Variants in STAG1 observed in about 807,000 individuals in gnomAD.
STAG1 encodes STAG1 cohesin complex component, also known as cohesin subunit SA-1.
In STAG1, 26 loss-of-function variants were observed where a neutral mutation model predicts 170.9. The observed-to-expected ratio is 0.15, with a 90% CI of 0.11 to 0.21. STAG1 has a LOEUF of 0.21. Ranked by LOEUF, STAG1 falls within the 10% of genes least tolerant of loss-of-function variation. The pLI, the probability that STAG1 is intolerant of heterozygous loss-of-function variation, is 1.00. For missense variants in STAG1, 964 were observed against 1,509.5 expected (o/e 0.64, Z 5.99); for synonymous variants, 514 against 497.7 (o/e 1.03, Z -0.44).
rs774690915 is a variant in STAG1, at chr3:136,368,887, G to A, written c.2545+221C>T. On this transcript the variant is annotated intron_variant, in intron 24 of 33. Transcript: ENST00000383202. ...TTCTGTTTTGTAGAGACAAGGTCTC[G>A]CCATATTGCCTAGGCTGCTCTCGAA... Among the ~76,000 whole-genome samples, 8 of 151,872 alleles carry A rather than the reference G, an allele frequency of 5.3e-5. No homozygotes were observed. Among genetic ancestry groups the A allele is most frequent in the Middle Eastern group, 3.2e-3 (1 of 316 alleles).
At position 136,456,746 on chromosome 3, in the gene STAG1, A is replaced by C. The variant is rs181477544; in HGVS notation, c.1314-4599T>G. On this transcript the variant is annotated intron_variant, in intron 13 of 33. Transcript: ENST00000383202. Reference sequence around the variant, plus strand: ...CAAAAATCAAGGACAAAGAAGAAATATTCAAAGCATCAAAAGAAAAGAATC... The same window carrying C: ...CAAAAATCAAGGACAAAGAAGAAATCTTCAAAGCATCAAAAGAAAAGAATC... 7.3e-4 allele frequency among the ~76,000 whole-genome samples: 111 copies of C among 152,334 alleles called. No homozygotes were observed. The Middle Eastern group carries it at 0.01, about 14-fold the overall frequency.
intron 1 of STAG1, among the ~76,000 whole-genome samples, chr3:136,659,079 C>T (rs905038513): frequency 6.6e-6 from 1 of 152,180 alleles, no homozygotes; most frequent in Non-Finnish European, 1.5e-5. Flanking sequence ...CAATTAACAA[C>T]CTTCTCACGC....
intron 1 of STAG1, among the ~76,000 whole-genome samples, chr3:136,726,579 T>C (rs1933700778): frequency 6.6e-6 from 1 of 152,100 alleles, no homozygotes; most frequent in Non-Finnish European, 1.5e-5. Context: ...GTGCGCCACC[T>C]TGCCTAGCTA....
chr3:136,663,403 T>C (rs527558486), intron 1 of STAG1, among the ~76,000 whole-genome samples: 3 of 152,234 alleles, frequency 2.0e-5, no homozygotes, highest in African/African-American at 7.2e-5. Context: ...CAAGAGCACA[T>C]AGATTATAAG....
At chr3:136,492,298 T>C (rs190684777) in intron 9 of STAG1, among the ~76,000 whole-genome samples, 1 of 152,360 alleles carries the variant, frequency 6.6e-6, no homozygotes, top group Non-Finnish European at 1.5e-5. Context: ...ATGCAAGGTC[T>C]GATTAAATAA....
intron 28 of STAG1, among the ~76,000 whole-genome samples, chr3:136,355,391 T>C (rs1443349511): frequency 8.9e-6 from 1 of 112,190 alleles, no homozygotes; most frequent in Non-Finnish European, 1.8e-5. Context: ...TATATACACC[T>C]AACAAGAGAG....
intron 5 of STAG1, among the ~76,000 whole-genome samples, chr3:136,556,321 A>T (rs1222161393): frequency 5.9e-5 from 9 of 152,190 alleles, no homozygotes; most frequent in African/African-American, 2.2e-4. Flanking sequence ...CTATTTTATC[A>T]AAATGTAAAT....
Position 136,638,866 on chromosome 3 carries a change from A to T in STAG1, c.-83-7885T>A, listed in dbSNP as rs1347937227. On this transcript the variant is annotated intron_variant, in intron 1 of 33. Transcript: ENST00000383202. ...GCAGTGAGCCAGGATCACGCCATTG[A>T]ACTCCAGCCTGGGCAACAGAGGGAG... 2.0e-5 allele frequency among the ~76,000 whole-genome samples: 3 copies of T among 152,020 alleles called. 1 individual carries two copies. The highest frequency in any genetic ancestry group is 4.8e-5 in the African/African-American group (2 of 41,386).
intron 1 of STAG1, among the ~76,000 whole-genome samples, chr3:136,640,155 G>A (rs1190352016): frequency 1.3e-5 from 2 of 152,208 alleles, no homozygotes; most frequent in East Asian, 1.9e-4. Flanking sequence ...CTAAATGAAC[G>A]TTTTAAAATA....
intron 9 of STAG1, among the ~76,000 whole-genome samples, chr3:136,486,926 C>T (rs2090024568): frequency 7.2e-6 from 1 of 139,556 alleles, no homozygotes; most frequent in African/African-American, 2.7e-5. Flanking sequence ...GTTTCACCAA[C>T]TAGACTACTG....
intron 1 of STAG1, among the ~76,000 whole-genome samples, chr3:136,694,310 G>A (rs530088097): frequency 6.6e-6 from 1 of 152,196 alleles, no homozygotes; most frequent in African/African-American, 2.4e-5. Context: ...AGGCACATGA[G>A]TACACTGATA....
chr3:136,678,064 A>C (rs1430052151), intron 1 of STAG1, among the ~76,000 whole-genome samples: 1 of 150,256 alleles, frequency 6.7e-6, no homozygotes, highest in Non-Finnish European at 1.5e-5. Context: ...TTCTTAGTGA[A>C]GGGCATAAAC....
chr3:136,464,432 A>G (rs150677369), intron 13 of STAG1, among the ~76,000 whole-genome samples: 2 of 143,614 alleles, frequency 1.4e-5, no homozygotes, highest in Non-Finnish European at 3.2e-5. Context: ...TCAAAAAAAA[A>G]CAAAAAAACA....
chr3:136,523,974 G>C (rs141865805), intron 6 of STAG1, among the ~76,000 whole-genome samples: 2 of 146,528 alleles, frequency 1.4e-5, no homozygotes, highest in African/African-American at 4.9e-5. Flanking sequence ...TGGTACCAGT[G>C]CCATGCTGTT....
chr3:136,572,287 T>C (rs1937288661), intron 4 of STAG1, among the ~76,000 whole-genome samples: 1 of 151,090 alleles, frequency 6.6e-6, no homozygotes, highest in South Asian at 2.1e-4. Flanking sequence ...TGAAAAACAA[T>C]CAGAAATAGT....
intron 3 of STAG1, among the ~76,000 whole-genome samples, chr3:136,613,290 G>A (rs182785254): frequency 0.011 from 1,198 of 105,302 alleles, 5 homozygotes; most frequent in Non-Finnish European, 0.016. Flanking sequence ...GGGCAACAAA[G>A]TGAACAGAGT....
chr3:136,658,015 C>A (rs1295514556), intron 1 of STAG1, among the ~76,000 whole-genome samples: 3 of 152,068 alleles, frequency 2.0e-5, no homozygotes, highest in Non-Finnish European at 2.9e-5. Flanking sequence ...TGGTCACCTG[C>A]ACACTATCAT....
chr3:136,523,812 T>A (rs1934829687), intron 6 of STAG1, among the ~76,000 whole-genome samples: 1 of 152,232 alleles, frequency 6.6e-6, no homozygotes, highest in Admixed American at 6.5e-5. Flanking sequence ...TTTCTACATG[T>A]GGCTAGCCAG....
chr3:136,591,266 G>A (rs1014912487), intron 4 of STAG1, among the ~76,000 whole-genome samples: 2 of 147,190 alleles, frequency 1.4e-5, no homozygotes, highest in Non-Finnish European at 3.0e-5. Context: ...GGAGGAGGGA[G>A]GAGGGGAGGA....
Sources: allele counts gnomAD v4.1 joint callset (sites outside exome capture counted in the v4.1 genomes callset), GRCh38; gene constraint gnomAD v4.1.1; transcripts MANE v1.5; gene names NCBI Gene and HGNC (gene_info 2026-07-23, HGNC 2026-07-21).